SGK1: variants seen among roughly 807,000 people sequenced by gnomAD.
The protein encoded by SGK1 is serum/glucocorticoid regulated kinase 1, also known as serine/threonine-protein kinase Sgk1.
Under a neutral mutation model 64.2 loss-of-function variants are expected in SGK1, and 26 were observed. The ratio of observed to expected loss-of-function variants is 0.40; its 90% CI spans 0.30 to 0.56. The LOEUF (loss-of-function observed/expected upper bound fraction) is 0.56. SGK1 is among the 20% of genes least tolerant of loss of function. The pLI is 0.38. For synonymous variants in SGK1, 265 were observed against 239.7 expected, an observed-to-expected ratio of 1.11 and a Z score of -0.98; for missense variants, 519 against 645.6, an observed-to-expected ratio of 0.80 and a Z score of 2.12.
chr6:134,237,890 A>T (rs2114721381), intron 2 of SGK1, among the ~76,000 whole-genome samples: 2 of 152,332 alleles, frequency 1.3e-5, no homozygotes, highest in South Asian at 4.1e-4. Context: ...AGCCCATAGG[A>T]TTTAAATTAG....
intron 1 of SGK1, 109 bp downstream of exon 1, chr6:134,317,283 C>A: frequency 3.8e-6 from 3 of 782,756 alleles, no homozygotes; most frequent in South Asian, 2.9e-5. Context: ...AGAAGCACGG[C>A]TTACATTAAG....
chr6:134,243,603 A>G (rs961680747), intron 2 of SGK1, among the ~76,000 whole-genome samples: 1 of 152,204 alleles, frequency 6.6e-6, no homozygotes, highest in Non-Finnish European at 1.5e-5. Flanking sequence ...TCCTGGCCTC[A>G]GGTGATCTGC....
intron 2 of SGK1, chr6:134,261,687 T>G: frequency 1.7e-6 from 1 of 603,516 alleles, no homozygotes; most frequent in Non-Finnish European, 2.9e-6. Flanking sequence ...GGGACAAGCG[T>G]ATATGGGTAA....
chr6:134,314,388 TAA>T (rs1777648154), intron 1 of SGK1, among the ~76,000 whole-genome samples: 1 of 152,038 alleles, frequency 6.6e-6, no homozygotes, highest in African/African-American at 2.4e-5. Context: ...TTGTGGAAAC[TAA>T]AAGAAAAGAA....
intron 8 of SGK1, 42 bp from the exon 9 acceptor site, chr6:134,172,816 TTTAA>T: frequency 1.4e-6 from 2 of 1,437,180 alleles, no homozygotes; most frequent in Non-Finnish European, 2.0e-6. Context: ...TGCAAATGAA[TTTAA>T]TTAGTTTTGA....
At chr6:134,270,688 T>G (rs1018340915) in intron 1 of SGK1, among the ~76,000 whole-genome samples, 1 of 148,160 alleles carries the variant, frequency 6.7e-6, no homozygotes, top group Non-Finnish European at 1.5e-5. Context: ...GGGGCCAACC[T>G]GTGTCTCCAG....
intron 1 of SGK1, among the ~76,000 whole-genome samples, chr6:134,273,618 A>AAAAAAAAAAG (rs1776975717): frequency 6.9e-6 from 1 of 144,110 alleles, no homozygotes; most frequent in African/African-American, 2.6e-5. Flanking sequence ...AAAAAAAAAA[A>AAAAAAAAAAG]AAAAGCTGAG....
At chr6:134,291,771 A>G (rs1474230885) in intron 1 of SGK1, among the ~76,000 whole-genome samples, 1 of 152,194 alleles carries the variant, frequency 6.6e-6, no homozygotes, top group African/African-American at 2.4e-5. Flanking sequence ...TCTTTAAACT[A>G]CATTTGTGGC....
chr6:134,220,397 A>G (rs79299710), intron 2 of SGK1, among the ~76,000 whole-genome samples: 2 of 152,176 alleles, frequency 1.3e-5, no homozygotes, highest in Admixed American at 6.5e-5. Context: ...TAGAAGTTAT[A>G]TATGTTATTT....
At chr6:134,225,559 A>T (rs1340587168) in intron 2 of SGK1, among the ~76,000 whole-genome samples, 1 of 152,082 alleles carries the variant, frequency 6.6e-6, no homozygotes, top group Non-Finnish European at 1.5e-5. Context: ...ATTTCAATTC[A>T]CACTAAAGTT....
At chr6:134,215,892 T>C (rs985743336) in intron 2 of SGK1, among the ~76,000 whole-genome samples, 10 of 152,102 alleles carry the variant, frequency 6.6e-5, no homozygotes, top group African/African-American at 2.4e-4. Flanking sequence ...GGTGCATGTC[T>C]GTAATCCCAG....
intron 3 of SGK1, among the ~76,000 whole-genome samples, chr6:134,204,307 T>C (rs935616782): frequency 6.6e-6 from 1 of 151,698 alleles, no homozygotes; most frequent in African/African-American, 2.4e-5. Flanking sequence ...GTTGGTTAAG[T>C]TGGTGACTGG....
intron 2 of SGK1, among the ~76,000 whole-genome samples, chr6:134,241,662 C>T (rs1776448688): frequency 6.6e-6 from 1 of 151,884 alleles, no homozygotes. Flanking sequence ...GCTCTGTCAC[C>T]CAGGCTGGAG....
intron 1 of SGK1, among the ~76,000 whole-genome samples, chr6:134,308,909 A>C (rs1207663231): frequency 6.6e-6 from 1 of 152,120 alleles, no homozygotes; most frequent in African/African-American, 2.4e-5. Flanking sequence ...CTGTGAGCTT[A>C]TCCTCCAGAG....
In SGK1 at chr6:134,194,297, A is replaced by C. The variant is rs185677802; in HGVS notation, c.361+13059T>G. 6.6e-5 allele frequency among the ~76,000 whole-genome samples: 10 copies of C among 152,170 alleles called. No individual in the cohort carries two copies. The East Asian group carries it at 1.9e-3, about 30-fold the overall frequency. On this transcript the variant is annotated intron_variant, in intron 3 of 13. Transcript: ENST00000367858. ...CACAGCAACTGAGCTTCAGCCAATC[A>C]CAGGATGCCAACTGATCAGACGATG...
At chr6:134,283,855 G>A (rs1229033855) in intron 1 of SGK1, among the ~76,000 whole-genome samples, 2 of 100,742 alleles carry the variant, frequency 2.0e-5, no homozygotes, top group East Asian at 3.3e-4. Context: ...AGAACAAGAC[G>A]CTGTCCCCTG....
At chr6:134,280,470 G>A (rs1582760683) in intron 1 of SGK1, among the ~76,000 whole-genome samples, 1 of 152,164 alleles carries the variant, frequency 6.6e-6, no homozygotes, top group East Asian at 1.9e-4. Flanking sequence ...TAGAGACAAG[G>A]TCTCACTATA....
At chr6:134,215,408 G>A (rs912102692) in intron 2 of SGK1, among the ~76,000 whole-genome samples, 1 of 151,546 alleles carries the variant, frequency 6.6e-6, no homozygotes, top group Admixed American at 6.6e-5. Context: ...GAGCCACGGC[G>A]CCTGGCCGAG....
intron 1 of SGK1, among the ~76,000 whole-genome samples, chr6:134,316,713 C>A (rs1777689781): frequency 8.6e-6 from 1 of 116,938 alleles, no homozygotes; most frequent in African/African-American, 3.3e-5. Flanking sequence ...TGAATTATCA[C>A]TCAAATACAG....
Sources: gnomAD v4.1 joint callset for allele counts (sites outside exome capture counted in the v4.1 genomes callset) on GRCh38, gnomAD v4.1.1 for gene constraint, MANE v1.5 for transcripts, NCBI Gene and HGNC (gene_info 2026-07-23, HGNC 2026-07-21) for gene names.